The following PIK3CA variants were observed in gnomAD, a reference collection of about 807,000 sequenced individuals.
The protein encoded by PIK3CA is phosphatidylinositol 4,5-bisphosphate 3-kinase catalytic subunit alpha isoform.
Under a neutral mutation model 138.2 loss-of-function variants are expected in PIK3CA, and 27 were observed. The observed-to-expected ratio is 0.20, with a 90% confidence interval of 0.14 to 0.27. The LOEUF (loss-of-function observed/expected upper bound fraction) is 0.27. Among genes scored for constraint, PIK3CA ranks in the 10% least tolerant of loss-of-function variants. PIK3CA has a pLI of 1.00. For missense variants in PIK3CA, 544 were observed against 1,277.4 expected (o/e 0.43, Z 8.75); for synonymous variants, 358 against 413.2 (o/e 0.87, Z 1.62).
rs1724935626 is a variant in PIK3CA at position 179,220,284 on chromosome 3, T to A, written c.2015+232T>A. 6.6e-6 allele frequency among the ~76,000 whole-genome samples: 1 copy of A among 152,164 alleles called. No individual in the cohort carries two copies. Among genetic ancestry groups the A allele is most frequent in the Admixed American group, 6.5e-5 (1 of 15,270 alleles). On this transcript the variant is annotated intron_variant, in intron 13 of 20. Coordinates refer to ENST00000263967, the MANE Select transcript of PIK3CA (RefSeq NM_006218.4). This position sits in a 1 kb window ranked among gnomAD's most constrained non-coding sequence, Gnocchi z 4.1. ...TCATGAATGAGAGCTTAAATATTTT[T>A]AAAGATTTTTGTTCTACTTAAGTCA...
chr3:179,173,416 A>AAC (rs1723612656), intron 1 of PIK3CA, among the ~76,000 whole-genome samples: 1 of 149,628 alleles, frequency 6.7e-6, no homozygotes, highest in Non-Finnish European at 1.5e-5. Context: ...AAAAAAAAAA[A>AAC]AAAAAAAAAA....
chr3:179,190,668 A>AG (rs982841205), intron 1 of PIK3CA, among the ~76,000 whole-genome samples: 2 of 151,838 alleles, frequency 1.3e-5, no homozygotes, highest in Non-Finnish European at 2.9e-5. Flanking sequence ...AATGGGTTGT[A>AG]GGGGGGTGAA....
chr3:179,173,068 A>G (rs1341431175), intron 1 of PIK3CA, among the ~76,000 whole-genome samples: 1 of 152,086 alleles, frequency 6.6e-6, no homozygotes, highest in Non-Finnish European at 1.5e-5. Context: ...TATCCTATAG[A>G]TCTTTTTCCC....
chr3:179,188,353 A>G (rs1489556669), intron 1 of PIK3CA, among the ~76,000 whole-genome samples: 1 of 152,192 alleles, frequency 6.6e-6, no homozygotes, highest in African/African-American at 2.4e-5. Flanking sequence ...CACCTGTCTT[A>G]CCAGTGCATG....
intron 1 of PIK3CA, among the ~76,000 whole-genome samples, chr3:179,189,349 G>A (rs1724069757): frequency 6.6e-6 from 1 of 152,084 alleles, no homozygotes; most frequent in African/African-American, 2.4e-5. Flanking sequence ...TACATAAAGT[G>A]ACTACACATT....
chr3:179,186,583 A>G (rs545183020), intron 1 of PIK3CA, among the ~76,000 whole-genome samples: 1 of 152,360 alleles, frequency 6.6e-6, no homozygotes, highest in African/African-American at 2.4e-5. Context: ...GTTCCAAGTC[A>G]CAAAGGGATT....
chr3:179,195,834 TG>T (rs1724253426), intron 1 of PIK3CA, among the ~76,000 whole-genome samples: 1 of 152,070 alleles, frequency 6.6e-6, no homozygotes, highest in Non-Finnish European at 1.5e-5. Flanking sequence ...AAAAAGCAAA[TG>T]TTAGTTCCAT....
rs2108400209 is a variant in PIK3CA at position 179,210,207 on chromosome 3, G to A, written c.1273G>A (p.Gly425Arg). The A allele has an allele frequency of 1.3e-6, 2 of 1,587,472 alleles. No homozygotes were observed. Among genetic ancestry groups the A allele is most frequent in the South Asian group, 2.4e-5 (2 of 84,678 alleles). ...TAAGGAACACTGTCCATTGGCATGG[G>A]GAAATATAAACTTGTTTGATTACAC... is the stretch of plus-strand genomic sequence containing the variant. ...AKEEHCPLAW[G>R]NINLFDYTDT... Residue 425 changes from glycine (G) to arginine (R), a missense_variant, in exon 8 of 21, where the codon GGA becomes AGA. Gly to Arg is a moderately radical substitution (Grantham distance 125). Around this residue, in one of 14 missense-constraint regions of PIK3CA, gnomAD observed 234 missense variants for 401.3 expected, o/e 0.58. Transcript: ENST00000263967.
rs754640150 is a variant in PIK3CA, at chr3:179,224,692, T to C, written c.2295-8T>C. ...AGGTACCTAGTAAAGTTTTTAACTA[T>C]TTTAAAGGCTTGAAGAGTGTCGAAT... On this transcript the variant is annotated splice_polypyrimidine_tract_variant and splice_region_variant and intron_variant, in intron 15 of 20. Transcript: ENST00000263967. 2 of 1,578,892 alleles carry C rather than the reference T, an allele frequency of 1.3e-6. No homozygotes were observed. Among genetic ancestry groups the C allele is most frequent in the East Asian group, 4.5e-5 (2 of 44,486 alleles).
rs1725384533 is a variant in PIK3CA at position 179,238,925 on chromosome 3, A to AT, written c.*4563dup. On this transcript the variant is annotated 3_prime_UTR_variant, in exon 21 of 21. Coordinates refer to ENST00000263967, the MANE Select transcript of PIK3CA (RefSeq NM_006218.4). The stretch of plus-strand genomic sequence containing the variant: ...GTCTTTAAATAAACTTCATGCACCT[A>AT]TTCCACTTAAGGTTTTGCACCTCCT... The AT allele has an allele frequency of 9.2e-6, 2 of 217,956 alleles. No individual in the cohort carries two copies. Among genetic ancestry groups the AT allele is most frequent in the South Asian group, 3.7e-4 (2 of 5,372 alleles). 13.5% of individuals were successfully genotyped at this position (217,956 alleles called of 1,614,324 possible).
chr3:179,207,867 C>G (rs925929376), intron 6 of PIK3CA, among the ~76,000 whole-genome samples: 8 of 152,012 alleles, frequency 5.3e-5, no homozygotes, highest in African/African-American at 1.9e-4. Context: ...ATATTTTTCT[C>G]TATATGTTTC....
chr3:179,166,612 G>C (rs1436542793), intron 1 of PIK3CA, among the ~76,000 whole-genome samples: 1 of 152,128 alleles, frequency 6.6e-6, no homozygotes, highest in African/African-American at 2.4e-5. Flanking sequence ...ATGTTATAGT[G>C]CCTTATGGGA....
Position 179,203,554 on chromosome 3 carries a change from G to A in PIK3CA, c.824G>A (p.Ser275Asn), listed in dbSNP as rs750214356. The change falls in exon 5 of 21, where the codon AGC becomes AAC. Residue 275 changes from serine to asparagine, a missense_variant. Coordinates refer to ENST00000263967, the MANE Select transcript of PIK3CA (RefSeq NM_006218.4). ...CTTAATCTCTTACAGTATATAAGAA[G>A]CTGTATAATGCTTGGGAGGATGCCC... Reference protein sequence around the residue: ...YPLSQYKYIRSCIMLGRMPNL... With the variant: ...YPLSQYKYIRNCIMLGRMPNL... 6.2e-7 allele frequency: 1 copy of A among 1,613,374 alleles called. No individual in the cohort carries two copies. The highest frequency in any genetic ancestry group is 8.5e-7 in the Non-Finnish European group (1 of 1,179,750).
At chr3:179,191,553 AACTT>A (rs1471603575) in intron 1 of PIK3CA, among the ~76,000 whole-genome samples, 1 of 152,224 alleles carries the variant, frequency 6.6e-6, no homozygotes, top group African/African-American at 2.4e-5. Context: ...GCTTCAAAAT[AACTT>A]TCTTTCTTAT....
Position 179,234,427 on chromosome 3 carries a change from G to A in PIK3CA, c.*63G>A, listed in dbSNP as rs183721599. 2.3e-5 allele frequency: 33 copies of A among 1,407,272 alleles called. No homozygotes were observed. In the Admixed American group the frequency reaches 6.5e-4, roughly 28 times the overall value. 87.2% of individuals were successfully genotyped at this position (1,407,272 alleles called of 1,614,324 possible). A position where few individuals can be genotyped will look rare whatever the true frequency, so the allele number is the denominator to read the frequency against. On this transcript the variant is annotated 3_prime_UTR_variant, in exon 21 of 21. Coordinates refer to ENST00000263967, the MANE Select transcript of PIK3CA (RefSeq NM_006218.4). The surrounding 1 kb of genome is among the most constrained non-coding windows in gnomAD (Gnocchi z 5.1). ...CACACTGCACTGTTAATAACTCTCAGCAGGCAAAGACCGATTGCATAGGAA... is the reference window on the plus strand; with the variant it reads ...CACACTGCACTGTTAATAACTCTCAACAGGCAAAGACCGATTGCATAGGAA...
chr3:179,154,853 C>T (rs957451828), intron 1 of PIK3CA, among the ~76,000 whole-genome samples: 3 of 152,068 alleles, frequency 2.0e-5, no homozygotes, highest in Non-Finnish European at 2.9e-5. Flanking sequence ...AAATTGTACT[C>T]ATTTATAAGA....
intron 14 of PIK3CA, among the ~76,000 whole-genome samples, chr3:179,221,458 G>A (rs1439385146): frequency 3.3e-5 from 5 of 152,106 alleles, no homozygotes; most frequent in Admixed American, 6.6e-5. Context: ...GCCAATAAAT[G>A]TTAGATCCCT....
intron 1 of PIK3CA, among the ~76,000 whole-genome samples, chr3:179,156,240 ACCGTT>A (rs1723137415): frequency 6.6e-6 from 1 of 152,024 alleles, no homozygotes; most frequent in South Asian, 2.1e-4. Flanking sequence ...CTTTTTTGAA[ACCGTT>A]AGTGACTTTG....
At position 179,234,977 on chromosome 3, in the gene PIK3CA, CT is replaced by C. The variant is rs1337887041; in HGVS notation, c.*617del. 1 of 218,356 alleles carries C rather than the reference CT, an allele frequency of 4.6e-6. No homozygotes were observed. The highest frequency in any genetic ancestry group is 5.8e-5 in the Admixed American group (1 of 17,162). 13.5% of individuals were successfully genotyped at this position (218,356 alleles called of 1,614,324 possible). A position where few individuals can be genotyped will look rare whatever the true frequency, so the allele number is the denominator to read the frequency against. Reference sequence around the variant, plus strand: ...ACTTTTTCTTTTTAATAAATCAAACCTTTTGATGATTTGAGGTTTTATCTGC... The same window carrying C: ...ACTTTTTCTTTTTAATAAATCAAACCTTTGATGATTTGAGGTTTTATCTGC... On this transcript the variant is annotated 3_prime_UTR_variant, in exon 21 of 21. Transcript: ENST00000263967. This position sits in a 1 kb window ranked among gnomAD's most constrained non-coding sequence, Gnocchi z 5.1.
Sources: allele counts gnomAD v4.1 joint callset (sites outside exome capture counted in the v4.1 genomes callset), GRCh38; gene constraint gnomAD v4.1.1; regional missense constraint gnomAD v4.1.1; non-coding constraint Gnocchi (gnomAD v3.1); transcripts MANE v1.5; gene names NCBI Gene and HGNC (gene_info 2026-07-23, HGNC 2026-07-21).